Variants in THSD7B observed in about 807,000 individuals in gnomAD.
THSD7B encodes the protein thrombospondin type-1 domain-containing protein 7B.
Under a neutral mutation model 213.6 loss-of-function variants are expected in THSD7B, and 138 were observed. That is an observed-to-expected ratio of 0.65 (90% CI 0.56 to 0.74). The LOEUF is 0.74. Ranked by LOEUF, THSD7B falls within the 30% of genes least tolerant of loss-of-function variation. The pLI is 0.00. For synonymous variants in THSD7B, 742 were observed against 687.0 expected (o/e 1.08, Z -1.25); for missense variants, 1,931 against 1,991.5 (o/e 0.97, Z 0.58).
chr2:137,399,986 AT>A (rs1473071505), intron 12 of THSD7B, among the ~76,000 whole-genome samples: 2 of 152,104 alleles, frequency 1.3e-5, no homozygotes, highest in Non-Finnish European at 2.9e-5. Context: ...TACTATTAAC[AT>A]TTTTAATGTA....
intron 4 of THSD7B, among the ~76,000 whole-genome samples, chr2:137,113,061 A>G (rs763162350): frequency 5.6e-4 from 86 of 152,288 alleles, no homozygotes; most frequent in Middle Eastern, 3.4e-3. Flanking sequence ...TAATGATATC[A>G]TAGAAGTCTC....
At chr2:137,208,066 G>A in intron 7 of THSD7B, among the ~76,000 whole-genome samples, 1 of 152,022 alleles carries the variant, frequency 6.6e-6, no homozygotes, top group Admixed American at 6.6e-5. Context: ...TCTGTAACCG[G>A]CTACAGTGAG....
intron 7 of THSD7B, among the ~76,000 whole-genome samples, chr2:137,184,893 A>G (rs1161442074): frequency 6.6e-6 from 1 of 152,100 alleles, no homozygotes; most frequent in Non-Finnish European, 1.5e-5. Context: ...GCTTCATTCT[A>G]CTCTCCCAAA....
intron 15 of THSD7B, among the ~76,000 whole-genome samples, chr2:137,472,070 T>C (rs925309255): frequency 1.3e-5 from 2 of 152,328 alleles, no homozygotes; most frequent in Non-Finnish European, 2.9e-5. Context: ...TCTGCAGGTG[T>C]TGGAGTTTAA....
chr2:137,465,109 T>A (rs540140410), intron 15 of THSD7B, among the ~76,000 whole-genome samples: 1 of 152,194 alleles, frequency 6.6e-6, no homozygotes, highest in South Asian at 2.1e-4. Flanking sequence ...TTTTTTCTCC[T>A]TTATGTGCTC....
intron 10 of THSD7B, among the ~76,000 whole-genome samples, chr2:137,262,395 T>C (rs867458542): frequency 4.6e-5 from 7 of 152,040 alleles, no homozygotes; most frequent in South Asian, 2.1e-4. Context: ...TAGGGGACCT[T>C]GTTGTAGCAA....
intron 15 of THSD7B, among the ~76,000 whole-genome samples, chr2:137,519,460 G>A (rs1051139892): frequency 3.3e-5 from 5 of 152,148 alleles, no homozygotes; most frequent in Non-Finnish European, 7.3e-5. Context: ...GCTAACTGCT[G>A]ATTCTAAAAT....
At chr2:137,114,270 G>A (rs759979465) in intron 4 of THSD7B, among the ~76,000 whole-genome samples, 16 of 152,130 alleles carry the variant, frequency 1.1e-4, no homozygotes, top group African/African-American at 3.6e-4. Flanking sequence ...GTGTTTTTAC[G>A]AATGCCGCAA....
chr2:137,017,731 A>G (rs996548766), intron 2 of THSD7B, among the ~76,000 whole-genome samples: 1 of 152,222 alleles, frequency 6.6e-6, no homozygotes, highest in Admixed American at 6.5e-5. Context: ...GTGCCATATG[A>G]TGCCTTATTC....
intron 12 of THSD7B, among the ~76,000 whole-genome samples, chr2:137,323,217 C>A (rs902888144): frequency 2.0e-5 from 3 of 152,134 alleles, no homozygotes; most frequent in African/African-American, 7.2e-5. Context: ...AGTATAAAGA[C>A]AGTACAGTTA....
intron 15 of THSD7B, among the ~76,000 whole-genome samples, chr2:137,525,776 AT>A (rs1234424129): frequency 2.0e-5 from 3 of 152,154 alleles, no homozygotes; most frequent in Admixed American, 2.0e-4. Context: ...TCACACATTT[AT>A]AAGTGTTTAA....
chr2:137,148,802 A>C (rs531600701), intron 5 of THSD7B, among the ~76,000 whole-genome samples: 1 of 152,266 alleles, frequency 6.6e-6, no homozygotes, highest in South Asian at 2.1e-4. Context: ...GCTCAAGAGA[A>C]AGCAGAGCAT....
intron 12 of THSD7B, among the ~76,000 whole-genome samples, chr2:137,342,955 C>T (rs1425777973): frequency 2.6e-5 from 4 of 151,378 alleles, no homozygotes; most frequent in African/African-American, 9.7e-5. Flanking sequence ...TGGGAATTTT[C>T]CCCCTTTGTT....
chr2:137,362,821 G>T (rs1265170948), intron 12 of THSD7B, among the ~76,000 whole-genome samples: 1 of 152,190 alleles, frequency 6.6e-6, no homozygotes, highest in Non-Finnish European at 1.5e-5. Context: ...ATAGTAGACA[G>T]ATCAATGAGA....
chr2:137,282,346 C>T lies in THSD7B; in HGVS notation c.2500+6320C>T, dbSNP rs1223817040. On this transcript the variant is annotated intron_variant, in intron 12 of 27. Transcript: ENST00000409968. ...TAGGTTGCAAAAGTTTTCTCCCGTTCTGTAGGTTGCCTGTTCACTCTGATG... is the reference window on the plus strand; with the variant it reads ...TAGGTTGCAAAAGTTTTCTCCCGTTTTGTAGGTTGCCTGTTCACTCTGATG... Among the ~76,000 whole-genome samples, 6 of 152,086 alleles carry T rather than the reference C, an allele frequency of 3.9e-5. No individual in the cohort carries two copies. The East Asian group carries it at 1.2e-3, about 29-fold the overall frequency.
intron 15 of THSD7B, among the ~76,000 whole-genome samples, chr2:137,482,105 G>A (rs1573651275): frequency 6.6e-6 from 1 of 151,928 alleles, no homozygotes. Flanking sequence ...ACGTGAACCT[G>A]GGAAGTGGAG....
chr2:137,521,426 A>C (rs1389570353), intron 15 of THSD7B, among the ~76,000 whole-genome samples: 10 of 152,056 alleles, frequency 6.6e-5, no homozygotes, highest in Non-Finnish European at 1.3e-4. Flanking sequence ...AAATTGTAAT[A>C]AGTCATGTGG....
chr2:137,670,790 G>A (rs970301547), intron 27 of THSD7B, among the ~76,000 whole-genome samples: 25 of 151,878 alleles, frequency 1.6e-4, no homozygotes, highest in African/African-American at 4.8e-4. Context: ...GTGTGGTGGC[G>A]GGCGCCTGTA....
intron 12 of THSD7B, among the ~76,000 whole-genome samples, chr2:137,379,926 G>T (rs1009585806): frequency 6.6e-6 from 1 of 152,120 alleles, no homozygotes; most frequent in African/African-American, 2.4e-5. Flanking sequence ...TCTTCCCTGC[G>T]GCCCAAATAA....
Sources: gnomAD v4.1 joint callset for allele counts (sites outside exome capture counted in the v4.1 genomes callset) on GRCh38, gnomAD v4.1.1 for gene constraint, MANE v1.5 for transcripts, NCBI Gene and HGNC (gene_info 2026-07-23, HGNC 2026-07-21) for gene names.